The following NBEA variants were observed in gnomAD, a reference collection of about 807,000 sequenced individuals.
NBEA encodes lysosomal-trafficking regulator 2.
Under a neutral mutation model 343.4 loss-of-function variants are expected in NBEA, and 44 were observed. That is an observed-to-expected ratio of 0.13 (90% CI 0.10 to 0.16). The LOEUF (loss-of-function observed/expected upper bound fraction) is 0.16. Ranked by LOEUF, NBEA falls within the 10% of genes least tolerant of loss-of-function variation. The pLI is 1.00. For missense variants in NBEA, 2,555 were observed against 3,631.3 expected, an observed-to-expected ratio of 0.70 and a Z score of 7.62; for synonymous variants, 1,175 against 1,238.7, an observed-to-expected ratio of 0.95 and a Z score of 1.08.
At chr13:34,963,479 C>CCA (rs1184715383) in intron 1 of NBEA, among the ~76,000 whole-genome samples, 11 of 151,954 alleles carry the variant, frequency 7.2e-5, no homozygotes, top group South Asian at 2.1e-4. Context: ...TGTTGAAGTC[C>CCA]TCACCTTTAG....
intron 1 of NBEA, among the ~76,000 whole-genome samples, chr13:34,981,725 G>T (rs1215770685): frequency 6.7e-6 from 1 of 150,346 alleles, no homozygotes; most frequent in Non-Finnish European, 1.5e-5. Context: ...ACTTTTCTTT[G>T]TGGGAAGGTT....
intron 38 of NBEA, among the ~76,000 whole-genome samples, chr13:35,399,793 T>G (rs1165787727): frequency 4.6e-5 from 7 of 152,100 alleles, no homozygotes. Flanking sequence ...CCTTTTGATT[T>G]AAAGTCAAAG....
intron 38 of NBEA, among the ~76,000 whole-genome samples, chr13:35,388,225 T>C (rs895961191): frequency 4.6e-5 from 7 of 152,102 alleles, no homozygotes; most frequent in African/African-American, 1.7e-4. Context: ...TGACGATAGG[T>C]GGAATAATTA....
intron 33 of NBEA, among the ~76,000 whole-genome samples, chr13:35,220,346 A>G (rs1027766490): frequency 2.6e-5 from 4 of 152,064 alleles, no homozygotes; most frequent in Admixed American, 2.6e-4. Context: ...ACCTAGTATC[A>G]TATTTCTTCT....
At chr13:35,122,505 G>T (rs963002527) in intron 16 of NBEA, among the ~76,000 whole-genome samples, 2 of 149,266 alleles carry the variant, frequency 1.3e-5, no homozygotes, top group African/African-American at 5.0e-5. Flanking sequence ...TCACTCATAG[G>T]TGGGAATTGA....
intron 1 of NBEA, among the ~76,000 whole-genome samples, chr13:34,965,427 A>C (rs541348499): frequency 6.6e-6 from 1 of 152,110 alleles, no homozygotes. Flanking sequence ...GAACTATTTG[A>C]AGCAGTTGGG....
Position 35,208,557 on chromosome 13 carries a change from C to A in NBEA, c.5367-143C>A, listed in dbSNP as rs1053813490. The A allele has an allele frequency of 1.2e-5, 7 of 568,364 alleles. No homozygotes were observed. In the African/African-American group the frequency reaches 1.3e-4, roughly 11 times the overall value. 35.2% of individuals were successfully genotyped at this position (568,364 alleles called of 1,614,324 possible). ...GTCCATATCCTTTCCACTGACAAAGCTGGACTAAGGAGTTTAAAATTTTTT... is the reference window on the plus strand; with the variant it reads ...GTCCATATCCTTTCCACTGACAAAGATGGACTAAGGAGTTTAAAATTTTTT... On this transcript the variant is annotated intron_variant, in intron 31 of 58. Coordinates refer to ENST00000379939, the MANE Select transcript of NBEA (RefSeq NM_001385012.1).
At chr13:35,048,424 T>C in intron 4 of NBEA, 139 bp from the exon 5 acceptor site, 1 of 727,338 alleles carries the variant, frequency 1.4e-6, no homozygotes, top group Non-Finnish European at 2.2e-6. Flanking sequence ...AAATACTAGC[T>C]CTTATTTTAT....
chr13:35,218,084 C>T (rs1231889652), intron 33 of NBEA, among the ~76,000 whole-genome samples: 1 of 151,964 alleles, frequency 6.6e-6, no homozygotes, highest in Non-Finnish European at 1.5e-5. Context: ...TAGGAAATAC[C>T]TCCATAAAGG....
intron 41 of NBEA, among the ~76,000 whole-genome samples, chr13:35,515,608 C>T (rs897923214): frequency 1.3e-5 from 2 of 152,096 alleles, no homozygotes; most frequent in African/African-American, 4.8e-5. Context: ...TAGAGAATCA[C>T]GTTCTGTGAT....
intron 41 of NBEA, among the ~76,000 whole-genome samples, chr13:35,483,109 T>C (rs1452415166): frequency 3.3e-5 from 5 of 152,000 alleles, no homozygotes; most frequent in African/African-American, 1.2e-4. Context: ...AATATGTTTA[T>C]AATTTTTATT....
At chr13:35,102,244 A>G (rs1480852466) in intron 11 of NBEA, among the ~76,000 whole-genome samples, 4 of 151,854 alleles carry the variant, frequency 2.6e-5, no homozygotes, top group African/African-American at 9.7e-5. Flanking sequence ...AATCTTTGCC[A>G]TAAATCAGAT....
At chr13:34,946,259 A>G (rs1027946299) in intron 1 of NBEA, among the ~76,000 whole-genome samples, 5 of 152,140 alleles carry the variant, frequency 3.3e-5, no homozygotes, top group African/African-American at 1.2e-4. Context: ...ATTTAACTAC[A>G]GAGAAGAGAT....
rs1468897588 is a variant in NBEA, at chr13:35,242,265, G to A, written c.5776+9646G>A. ...TAATTTGAAGCTGAAAACCACAAAG[G>A]AATTAAAAAATTCATTATTAGGGTT... is the stretch of plus-strand genomic sequence containing the variant. On this transcript the variant is annotated intron_variant, in intron 34 of 58. Coordinates refer to ENST00000379939, the MANE Select transcript of NBEA (RefSeq NM_001385012.1). Among the ~76,000 whole-genome samples, 4 of 151,556 alleles carry A rather than the reference G, an allele frequency of 2.6e-5. No individual in the cohort carries two copies. In the East Asian group the frequency reaches 5.8e-4, roughly 22 times the overall value.
Position 35,592,752 on chromosome 13 carries a change from T to C in NBEA, c.7177-576T>C, listed in dbSNP as rs1383919504. On this transcript the variant is annotated intron_variant, in intron 46 of 58. Coordinates refer to ENST00000379939, the MANE Select transcript of NBEA (RefSeq NM_001385012.1). ...GTAAAACAAATTAGGTAGTTTAGACTCTCTCCTAATCACTCCCAAGAGCTA... is the reference window on the plus strand; with the variant it reads ...GTAAAACAAATTAGGTAGTTTAGACCCTCTCCTAATCACTCCCAAGAGCTA... Among the ~76,000 whole-genome samples, 2 of 152,018 alleles carry C rather than the reference T, an allele frequency of 1.3e-5. 1 individual carries two copies. Among genetic ancestry groups the C allele is most frequent in the African/African-American group, 4.8e-5 (2 of 41,396 alleles).
chr13:35,372,928 G>T (rs970581577), intron 38 of NBEA, among the ~76,000 whole-genome samples: 1 of 152,156 alleles, frequency 6.6e-6, no homozygotes, highest in Non-Finnish European at 1.5e-5. Flanking sequence ...TAGCTGCTTA[G>T]GCCTCAGGGG....
chr13:35,420,893 G>A (rs774685127), intron 38 of NBEA, among the ~76,000 whole-genome samples: 2 of 151,500 alleles, frequency 1.3e-5, no homozygotes, highest in Non-Finnish European at 2.9e-5. Context: ...TTTTTACTTT[G>A]TCAGTCTTTT....
chr13:35,443,727 G>T (rs1002067924), intron 39 of NBEA, among the ~76,000 whole-genome samples: 3 of 151,836 alleles, frequency 2.0e-5, no homozygotes, highest in African/African-American at 7.2e-5. Context: ...TCAGTATCAG[G>T]TATAAAAGAT....
At chr13:35,148,978 T>C (rs1178953290) in intron 18 of NBEA, among the ~76,000 whole-genome samples, 2 of 152,098 alleles carry the variant, frequency 1.3e-5, no homozygotes, top group East Asian at 3.8e-4. Flanking sequence ...AACTACTTAA[T>C]TTTTTCTCTA....
Sources: allele counts gnomAD v4.1 joint callset (sites outside exome capture counted in the v4.1 genomes callset), GRCh38; gene constraint gnomAD v4.1.1; transcripts MANE v1.5; gene names NCBI Gene and HGNC (gene_info 2026-07-23, HGNC 2026-07-21).